CMTM7: variants seen among roughly 807,000 people sequenced by gnomAD.
CMTM7 encodes the protein CKLF-like MARVEL transmembrane domain-containing protein 7.
CMTM7 carries 7 observed loss-of-function variants against 19.3 expected under a neutral mutation model. That is an observed-to-expected ratio of 0.36 (90% CI 0.21 to 0.68). The LOEUF is 0.68. Ranked by LOEUF, CMTM7 falls within the 30% of genes least tolerant of loss-of-function variation. The pLI is 0.60. For missense variants in CMTM7, 193 were observed against 232.6 expected, an observed-to-expected ratio of 0.83 and a Z score of 1.11; for synonymous variants, 87 against 99.3, an observed-to-expected ratio of 0.88 and a Z score of 0.74.
chr3:32,418,644 G>A (rs999999390), intron 1 of CMTM7, among the ~76,000 whole-genome samples: 8 of 152,078 alleles, frequency 5.3e-5, no homozygotes, highest in African/African-American at 1.9e-4. Context: ...AGCACTACTT[G>A]TTGACAAGGA....
chr3:32,414,279 G>T (rs683019), intron 1 of CMTM7, among the ~76,000 whole-genome samples: 63,569 of 151,730 alleles, frequency 0.42, 13,540 homozygotes, highest in South Asian at 0.48. Context: ...CATTCTCCAC[G>T]TTCCACTGAC....
Position 32,421,779 on chromosome 3 carries a change from T to C in CMTM7, c.160-20061T>C, listed in dbSNP as rs1385612763. ...TGCCAAGACCTCAAACATTATCCTA[T>C]TTGTTCCTCCCAAGAAACTTCTGAA... On this transcript the variant is annotated intron_variant, in intron 1 of 4. Coordinates refer to ENST00000334983, the MANE Select transcript of CMTM7 (RefSeq NM_138410.4). Among the ~76,000 whole-genome samples the C allele has an allele frequency of 2.6e-5, 4 of 152,180 alleles. No homozygotes were observed. In the East Asian group the frequency reaches 7.7e-4, roughly 29 times the overall value.
chr3:32,439,359 T>A (rs1321487319), intron 1 of CMTM7, among the ~76,000 whole-genome samples: 1 of 152,206 alleles, frequency 6.6e-6, no homozygotes, highest in Non-Finnish European at 1.5e-5. Flanking sequence ...TTGCTGAGGA[T>A]CTTGATAGTG....
chr3:32,415,499 TAAGG>T (rs957905093), intron 1 of CMTM7, among the ~76,000 whole-genome samples: 1 of 152,220 alleles, frequency 6.6e-6, no homozygotes, highest in Non-Finnish European at 1.5e-5. Context: ...CATCTCCTGA[TAAGG>T]GAGGGAAACT....
At chr3:32,438,311 G>A (rs112934332) in intron 1 of CMTM7, among the ~76,000 whole-genome samples, 3,501 of 152,166 alleles carry the variant, frequency 0.023, 55 homozygotes, top group East Asian at 0.044. Context: ...AAGTTCAGGG[G>A]TACTTGTGTA....
chr3:32,426,014 G>A (rs768531176), intron 1 of CMTM7, among the ~76,000 whole-genome samples: 6 of 152,134 alleles, frequency 3.9e-5, no homozygotes, highest in Admixed American at 2.0e-4. Context: ...GCATGGTGGC[G>A]CACGCCTATA....
At chr3:32,450,495 A>AGT (rs1481740913) in intron 3 of CMTM7, among the ~76,000 whole-genome samples, 1 of 152,100 alleles carries the variant, frequency 6.6e-6, no homozygotes, top group African/African-American at 2.4e-5. Context: ...TTGGCCTGGG[A>AGT]GTGGGTTGGC....
At chr3:32,441,697 T>G in intron 1 of CMTM7, 143 bp from the exon 2 acceptor site, 1 of 686,570 alleles carries the variant, frequency 1.5e-6, no homozygotes, top group East Asian at 2.6e-5. Context: ...TTCCAGCCAG[T>G]GTGTATGGAA....
intron 1 of CMTM7, among the ~76,000 whole-genome samples, chr3:32,408,804 A>G (rs145480027): frequency 8.1e-4 from 124 of 152,306 alleles, no homozygotes; most frequent in African/African-American, 2.6e-3. Context: ...TGCTTAATCT[A>G]GTACTTGTGA....
intron 1 of CMTM7, among the ~76,000 whole-genome samples, chr3:32,438,497 T>A (rs546447148): frequency 5.3e-5 from 8 of 152,154 alleles, no homozygotes; most frequent in Admixed American, 3.3e-4. Context: ...TTTTTTTTTT[T>A]AACTTAATAT....
At chr3:32,426,724 A>G (rs347156) in intron 1 of CMTM7, among the ~76,000 whole-genome samples, 89,266 of 152,020 alleles carry the variant, frequency 0.59, 26,862 homozygotes, top group Non-Finnish European at 0.65. Flanking sequence ...TTCCACTTTT[A>G]TAACACTGTC....
At chr3:32,396,594 A>G (rs1487005005) in intron 1 of CMTM7, among the ~76,000 whole-genome samples, 2 of 152,226 alleles carry the variant, frequency 1.3e-5, no homozygotes, top group African/African-American at 4.8e-5. Context: ...TTTATACTTT[A>G]AATAAGTAAC....
rs532551099 is a variant in CMTM7 at position 32,449,421 on chromosome 3, C to G, written c.334-33C>G. On this transcript the variant is annotated intron_variant, in intron 2 of 4. Transcript: ENST00000334983. The surrounding 1 kb of genome is among the most constrained non-coding windows in gnomAD (Gnocchi z 4.5). ...CTTCCCGGACCAGAAATGGACGGCC[C>G]TACCCACTTATTTGCTTTGTTTCTG... 3 of 1,473,856 alleles carry G rather than the reference C, an allele frequency of 2.0e-6. No homozygotes were observed. The highest frequency in any genetic ancestry group is 2.3e-5 in the South Asian group (2 of 88,294). 91.3% of individuals were successfully genotyped at this position (1,473,856 alleles called of 1,614,324 possible). A position where few individuals can be genotyped will look rare whatever the true frequency, so the allele number is the denominator to read the frequency against.
intron 1 of CMTM7, among the ~76,000 whole-genome samples, chr3:32,441,424 A>G (rs1036011824): frequency 6.6e-6 from 1 of 152,204 alleles, no homozygotes; most frequent in Non-Finnish European, 1.5e-5. Flanking sequence ...AAAACCATCA[A>G]ATATTGGCAA....
At chr3:32,435,517 G>T (rs1231436026) in intron 1 of CMTM7, among the ~76,000 whole-genome samples, 7 of 152,372 alleles carry the variant, frequency 4.6e-5, no homozygotes, top group Admixed American at 4.6e-4. Flanking sequence ...ACCAATAAAA[G>T]ATTAAGTAGG....
At chr3:32,418,103 C>G (rs942196376) in intron 1 of CMTM7, among the ~76,000 whole-genome samples, 1 of 152,050 alleles carries the variant, frequency 6.6e-6, no homozygotes, top group Admixed American at 6.6e-5. Flanking sequence ...ATTACAGTTG[C>G]GAGCCACCGC....
Position 32,392,072 on chromosome 3 carries a change from G to A in CMTM7, c.159+7G>A. 8.1e-7 allele frequency: 1 copy of A among 1,233,358 alleles called. No individual in the cohort carries two copies. Among genetic ancestry groups the A allele is most frequent in the South Asian group, 4.1e-5 (1 of 24,328 alleles). 76.4% of individuals were successfully genotyped at this position (1,233,358 alleles called of 1,614,324 possible). A position where few individuals can be genotyped will look rare whatever the true frequency, so the allele number is the denominator to read the frequency against. ...GCTGAAAGTGGCGCAAATGGTAAGT[G>A]AGCGCGGGGCGCGAGGCCGAGGTTC... On this transcript the variant is annotated splice_region_variant and intron_variant, in intron 1 of 4. Transcript: ENST00000334983.
intron 1 of CMTM7, among the ~76,000 whole-genome samples, chr3:32,403,108 C>G (rs773383590): frequency 1.3e-5 from 2 of 152,236 alleles, no homozygotes; most frequent in Admixed American, 6.5e-5. Context: ...AACGTTTCCT[C>G]TTAAGTTATG....
intron 1 of CMTM7, among the ~76,000 whole-genome samples, chr3:32,417,929 C>T (rs1190858121): frequency 6.6e-6 from 1 of 152,164 alleles, no homozygotes; most frequent in Non-Finnish European, 1.5e-5. Context: ...TCAAGCAATC[C>T]TCCCATCTCA....
Sources: allele counts gnomAD v4.1 joint callset (sites outside exome capture counted in the v4.1 genomes callset), GRCh38; gene constraint gnomAD v4.1.1; non-coding constraint Gnocchi (gnomAD v3.1); transcripts MANE v1.5; gene names NCBI Gene and HGNC (gene_info 2026-07-23, HGNC 2026-07-21).